The following RBPJ variants were observed in gnomAD, a reference collection of about 807,000 sequenced individuals.
The protein encoded by RBPJ is recombination signal binding protein for immunoglobulin kappa J region.
A neutral mutation model predicts 67.8 loss-of-function variants in RBPJ; 9 were observed. The observed-to-expected ratio is 0.13, with a 90% CI of 0.08 to 0.23. The LOEUF (loss-of-function observed/expected upper bound fraction) is 0.23. Ranked by LOEUF, RBPJ falls within the 10% of genes least tolerant of loss-of-function variation. The pLI, the probability that RBPJ is intolerant of heterozygous loss-of-function variation, is 1.00. For synonymous variants in RBPJ, 198 were observed against 203.3 expected, an observed-to-expected ratio of 0.97 and a Z score of 0.22; for missense variants, 305 against 595.6, an observed-to-expected ratio of 0.51 and a Z score of 5.08.
chr4:26,116,564 C>A, the RBPJ span, among the ~76,000 whole-genome samples: 2 of 152,188 alleles, frequency 1.3e-5, no homozygotes, highest in African/African-American at 2.4e-5. Context: ...GTCCTCTCAG[C>A]TCCCCGGGAC....
At chr4:26,135,457 C>G in the RBPJ span, among the ~76,000 whole-genome samples, 2 of 151,946 alleles carry the variant, frequency 1.3e-5, no homozygotes, top group African/African-American at 4.8e-5. Flanking sequence ...GCAGATGAGG[C>G]CAACATTAGC....
At chr4:26,165,205 A>G (rs1476568110) in intron 1 of RBPJ, among the ~76,000 whole-genome samples, 3 of 152,206 alleles carry the variant, frequency 2.0e-5, no homozygotes, top group Admixed American at 2.0e-4. Context: ...ATAGTACAGA[A>G]ATTTGGACAT....
At chr4:26,221,151 C>T (rs1365118349) in intron 1 of RBPJ, among the ~76,000 whole-genome samples, 4 of 152,168 alleles carry the variant, frequency 2.6e-5, no homozygotes, top group East Asian at 1.9e-4. Context: ...AGTGCGGTGG[C>T]GCGATCTCGG....
the RBPJ span, among the ~76,000 whole-genome samples, chr4:26,116,173 C>A: frequency 3.9e-5 from 6 of 152,230 alleles, no homozygotes; most frequent in Non-Finnish European, 8.8e-5. Context: ...AAATGCACAT[C>A]CACCGTGTTG....
At position 26,233,998 on chromosome 4, in the gene RBPJ, G is replaced by A. The variant is rs574424492; in HGVS notation, c.-167+70384G>A. On this transcript the variant is annotated intron_variant, in intron 1 of 4. Transcript: ENST00000512351. The stretch of plus-strand genomic sequence containing the variant: ...AAATTCATAATTGCAAAGAAGTAAT[G>A]GTGGATTCTAGTTTGGGGTTTGGAG... 1.1e-3 allele frequency among the ~76,000 whole-genome samples: 175 copies of A among 152,306 alleles called. 2 individuals are homozygous for A. Among genetic ancestry groups the A allele is most frequent in the African/African-American group, 4.1e-3 (170 of 41,556 alleles).
At chr4:26,214,767 A>AG (rs1560213973) in intron 1 of RBPJ, among the ~76,000 whole-genome samples, 1 of 13,668 alleles carries the variant, frequency 7.3e-5, no homozygotes, top group Non-Finnish European at 1.4e-4. Context: ...AGAGAGAAAA[A>AG]AGAGAAAGAA....
intron 1 of RBPJ, among the ~76,000 whole-genome samples, chr4:26,364,766 C>T (rs150162528): frequency 6.3e-4 from 95 of 151,878 alleles, no homozygotes; most frequent in African/African-American, 2.2e-3. Flanking sequence ...GCTGGGATTA[C>T]AGGCGCGAGC....
intron 1 of RBPJ, among the ~76,000 whole-genome samples, chr4:26,210,173 A>G (rs1235965136): frequency 6.6e-6 from 1 of 152,166 alleles, no homozygotes; most frequent in African/African-American, 2.4e-5. Flanking sequence ...GTTTTAGGGG[A>G]TAAAAGATAA....
chr4:26,219,085 G>A (rs567146898), intron 1 of RBPJ, among the ~76,000 whole-genome samples: 4 of 152,128 alleles, frequency 2.6e-5, no homozygotes, highest in African/African-American at 4.8e-5. Flanking sequence ...AAGCAATACC[G>A]TAAGAGGAAG....
chr4:26,240,229 C>A (rs939812223), intron 1 of RBPJ, among the ~76,000 whole-genome samples: 1 of 152,156 alleles, frequency 6.6e-6, no homozygotes, highest in Non-Finnish European at 1.5e-5. Context: ...ATCTGAAATG[C>A]AAATTTAACT....
chr4:26,311,576 C>A (rs1455053351), intron 1 of RBPJ, among the ~76,000 whole-genome samples: 1 of 151,878 alleles, frequency 6.6e-6, no homozygotes, highest in East Asian at 1.9e-4. Flanking sequence ...TAAACCACCA[C>A]AGCAAACTGT....
Position 26,287,620 on chromosome 4 carries a change from GGAGGGGAGGGGAGGGGAGGA to G in RBPJ, c.-166-74824_-166-74805del, listed in dbSNP as rs1560245423. On this transcript the variant is annotated intron_variant, in intron 1 of 4. Coordinates refer to the RBPJ transcript ENST00000512351. ...GGAGGGGAGGGGAGGGGAGGGGAGG[GGAGGGGAGGGGAGGGGAGGA>G]GCAGAGAAGAGAAGAAAAGAGAAGA... is the stretch of plus-strand genomic sequence containing the variant. Among the ~76,000 whole-genome samples the G allele has an allele frequency of 1.2e-3, 59 of 48,960 alleles. 2 individuals are homozygous for G. The highest frequency in any genetic ancestry group is 5.7e-3 in the African/African-American group (55 of 9,618). 32.1% of individuals were successfully genotyped at this position (48,960 alleles called of 152,430 possible).
chr4:26,230,536 G>A (rs1434415508), intron 1 of RBPJ, among the ~76,000 whole-genome samples: 1 of 152,164 alleles, frequency 6.6e-6, no homozygotes, highest in Non-Finnish European at 1.5e-5. Flanking sequence ...CATGTTTATG[G>A]ACACGTAGTG....
intron 3 of RBPJ, among the ~76,000 whole-genome samples, chr4:26,408,012 C>A (rs1029246741): frequency 1.4e-5 from 2 of 145,390 alleles, no homozygotes; most frequent in Non-Finnish European, 3.0e-5. Context: ...GTAGCTGGGA[C>A]TACAGGCACT....
At chr4:26,407,704 T>G (rs1477417667) in intron 3 of RBPJ, among the ~76,000 whole-genome samples, 2 of 152,000 alleles carry the variant, frequency 1.3e-5, no homozygotes, top group Non-Finnish European at 2.9e-5. Context: ...GGGATTGTTG[T>G]GAAAGGAATG....
rs546452083 is a variant in RBPJ at position 26,427,720 on chromosome 4, A to G, written c.748-1000A>G. The stretch of plus-strand genomic sequence containing the variant: ...TTGGAGAGATTGCAGGAGATTGGAC[A>G]GTGAGGAAGAGGCGTTTGCAGAAAA... On this transcript the variant is annotated intron_variant, in intron 7 of 10. Transcript: ENST00000355476. 2.0e-5 allele frequency among the ~76,000 whole-genome samples: 3 copies of G among 152,338 alleles called. No individual in the cohort carries two copies. In the East Asian group the frequency reaches 5.8e-4, roughly 29 times the overall value.
chr4:26,311,416 G>A (rs1295701563), intron 1 of RBPJ, among the ~76,000 whole-genome samples: 2 of 151,998 alleles, frequency 1.3e-5, no homozygotes, highest in Non-Finnish European at 1.5e-5. Flanking sequence ...GCAGGCACCT[G>A]TAATCCCAGC....
the RBPJ span, among the ~76,000 whole-genome samples, chr4:26,114,478 C>CATATATATATATATATATATATATATAT: frequency 1.7e-3 from 204 of 122,942 alleles, 3 homozygotes; most frequent in Middle Eastern, 4.5e-3. Flanking sequence ...AAAGAATGTA[C>CATATATATATATATATATATATATATAT]ATATATATAT....
At chr4:26,263,199 T>C (rs1036487695) in intron 1 of RBPJ, among the ~76,000 whole-genome samples, 1 of 152,196 alleles carries the variant, frequency 6.6e-6, no homozygotes, top group African/African-American at 2.4e-5. Flanking sequence ...CTATTTGGTG[T>C]TATTGTCTGT....
Sources: allele counts gnomAD v4.1 joint callset (sites outside exome capture counted in the v4.1 genomes callset), GRCh38; gene constraint gnomAD v4.1.1; transcripts MANE v1.5; gene names NCBI Gene and HGNC (gene_info 2026-07-23, HGNC 2026-07-21).